The following KCNH1 variants were observed in gnomAD, a reference collection of about 807,000 sequenced individuals.
KCNH1 encodes the protein potassium voltage-gated channel subfamily H member 1.
In KCNH1, 27 loss-of-function variants were observed where a neutral mutation model predicts 69.2. The ratio of observed to expected loss-of-function variants is 0.39; its 90% CI spans 0.29 to 0.54. KCNH1 has a LOEUF of 0.54. Ranked by LOEUF, KCNH1 falls within the 20% of genes least tolerant of loss-of-function variation. The pLI, the probability that KCNH1 is intolerant of heterozygous loss-of-function variation, is 0.68. For missense variants in KCNH1, 798 were observed against 1,261.6 expected (o/e 0.63, Z 5.57); for synonymous variants, 456 against 487.7 (o/e 0.93, Z 0.86).
intron 1 of KCNH1, among the ~76,000 whole-genome samples, chr1:211,122,152 G>T (rs565389346): frequency 1.3e-5 from 2 of 151,018 alleles, no homozygotes; most frequent in Admixed American, 6.6e-5. Flanking sequence ...AAAAACCATC[G>T]AAAAGTGGAC....
chr1:210,832,907 C>CATATATATATAT (rs367619819), intron 7 of KCNH1, among the ~76,000 whole-genome samples: 5,203 of 110,544 alleles, frequency 0.047, 300 homozygotes, highest in East Asian at 0.17. Context: ...TTCTCAAATA[C>CATATATATATAT]ATATATATAT....
chr1:211,024,216 G>C lies in KCNH1; in HGVS notation c.559-4960C>G, dbSNP rs140367203. Reference sequence around the variant, plus strand: ...AGACAAATCAAAATCATTTCAAATTGTGATAACCACTAAATAACACTGGGG... The same window carrying C: ...AGACAAATCAAAATCATTTCAAATTCTGATAACCACTAAATAACACTGGGG... On this transcript the variant is annotated intron_variant, in intron 5 of 10. Transcript: ENST00000271751. 2.0e-5 allele frequency among the ~76,000 whole-genome samples: 3 copies of C among 152,230 alleles called. No individual in the cohort carries two copies. In the East Asian group the frequency reaches 5.8e-4, roughly 29 times the overall value.
Position 210,868,659 on chromosome 1 carries a change from A to G in KCNH1, c.1462+50981T>C, listed in dbSNP as rs191037793. 8.5e-5 allele frequency among the ~76,000 whole-genome samples: 13 copies of G among 152,216 alleles called. No homozygotes were observed. The East Asian group carries it at 2.5e-3, about 29-fold the overall frequency. On this transcript the variant is annotated intron_variant, in intron 7 of 10. Transcript: ENST00000271751. ...TTCCCCACTAAAATATCTTCTTAAC[A>G]ACATTTAATCACAAGATTCTTCATT...
chr1:210,967,088 C>T (rs905431847), intron 6 of KCNH1, among the ~76,000 whole-genome samples: 9 of 151,262 alleles, frequency 5.9e-5, no homozygotes, highest in African/African-American at 1.9e-4. Flanking sequence ...AAACCACACA[C>T]CACATGTTCT....
rs1365733283 is a variant in KCNH1 at position 210,851,269 on chromosome 1, T to C, written c.1463-47103A>G. On this transcript the variant is annotated intron_variant, in intron 7 of 10. Coordinates refer to ENST00000271751, the MANE Select transcript of KCNH1 (RefSeq NM_172362.3). ...CTCAAAGTGTTCTTGGTCTAGTGTG[T>C]TTGGGTACCTTGTTCTTTCACTTTC... Among the ~76,000 whole-genome samples the C allele has an allele frequency of 3.3e-5, 5 of 152,232 alleles. No individual in the cohort carries two copies. The East Asian group carries it at 9.6e-4, about 29-fold the overall frequency.
At chr1:210,796,911 T>C (rs1224227914) in intron 9 of KCNH1, among the ~76,000 whole-genome samples, 4 of 152,144 alleles carry the variant, frequency 2.6e-5, no homozygotes, top group East Asian at 1.9e-4. Flanking sequence ...CAGCTCTTCA[T>C]TGGATCCCCC....
At chr1:210,931,131 A>T (rs972358338) in intron 6 of KCNH1, among the ~76,000 whole-genome samples, 6 of 152,208 alleles carry the variant, frequency 3.9e-5, no homozygotes, top group Non-Finnish European at 8.8e-5. Flanking sequence ...CTAAAAGTAG[A>T]TCTACCATTT....
At chr1:210,983,540 T>C (rs1204081668) in intron 6 of KCNH1, among the ~76,000 whole-genome samples, 2 of 152,242 alleles carry the variant, frequency 1.3e-5, no homozygotes, top group Non-Finnish European at 2.9e-5. Flanking sequence ...CCTTTCCCCA[T>C]TTCTTCTTTT....
chr1:210,933,719 CAGAAAT>C (rs1468786474), intron 6 of KCNH1, among the ~76,000 whole-genome samples: 3 of 151,962 alleles, frequency 2.0e-5, no homozygotes, highest in African/African-American at 7.2e-5. Context: ...ATGGATAACA[CAGAAAT>C]AGAAAGGATC....
At chr1:210,733,628 C>G (rs1682798710) in intron 10 of KCNH1, among the ~76,000 whole-genome samples, 1 of 152,190 alleles carries the variant, frequency 6.6e-6, no homozygotes. Flanking sequence ...CCAGGACACT[C>G]ATGAGATTTT....
At chr1:210,901,402 C>A (rs1278661790) in intron 7 of KCNH1, among the ~76,000 whole-genome samples, 1 of 152,202 alleles carries the variant, frequency 6.6e-6, no homozygotes, top group Admixed American at 6.5e-5. Flanking sequence ...TCACAGGACT[C>A]TGCCTCCAAG....
At chr1:210,969,590 T>G (rs1688475048) in intron 6 of KCNH1, among the ~76,000 whole-genome samples, 1 of 152,112 alleles carries the variant, frequency 6.6e-6, no homozygotes, top group African/African-American at 2.4e-5. Flanking sequence ...TCTTACTGTC[T>G]TCTAAAACTC....
intron 1 of KCNH1, among the ~76,000 whole-genome samples, chr1:211,120,742 G>T (rs970331833): frequency 2.0e-5 from 3 of 152,120 alleles, no homozygotes; most frequent in African/African-American, 7.2e-5. Context: ...AAGTCAAGTT[G>T]TCTCTGTTTG....
At chr1:211,029,634 A>C (rs4951706) in intron 5 of KCNH1, among the ~76,000 whole-genome samples, 1 of 151,990 alleles carries the variant, frequency 6.6e-6, no homozygotes, top group South Asian at 2.1e-4. Context: ...TTCCCCCTAC[A>C]ACAAGGAACA....
chr1:210,775,208 A>T, intron 10 of KCNH1, 140 bp downstream of exon 10: 1 of 691,364 alleles, frequency 1.4e-6, no homozygotes, highest in Middle Eastern at 2.7e-4. Flanking sequence ...AAAGCCCCGC[A>T]GAGCAAACAA....
chr1:210,838,143 A>C (rs1177633438), intron 7 of KCNH1, among the ~76,000 whole-genome samples: 1 of 152,212 alleles, frequency 6.6e-6, no homozygotes, highest in Non-Finnish European at 1.5e-5. Context: ...ACAAGAACAG[A>C]CACATAGACC....
chr1:210,939,976 G>A (rs1448874224), intron 6 of KCNH1, among the ~76,000 whole-genome samples: 1 of 152,204 alleles, frequency 6.6e-6, no homozygotes, highest in Non-Finnish European at 1.5e-5. Flanking sequence ...GTTATTAACA[G>A]AGATAGTCTT....
intron 7 of KCNH1, among the ~76,000 whole-genome samples, chr1:210,870,137 C>A (rs1300007402): frequency 1.3e-5 from 2 of 152,052 alleles, no homozygotes; most frequent in Non-Finnish European, 1.5e-5. Flanking sequence ...CAGAACTGTA[C>A]TAATTACCAA....
intron 10 of KCNH1, among the ~76,000 whole-genome samples, chr1:210,698,396 G>T (rs1558428130): frequency 6.6e-6 from 1 of 152,198 alleles, no homozygotes; most frequent in Non-Finnish European, 1.5e-5. Context: ...TAGTCCAGGA[G>T]AACAGGGCAT....
Sources: gnomAD v4.1 joint callset for allele counts (sites outside exome capture counted in the v4.1 genomes callset) on GRCh38, gnomAD v4.1.1 for gene constraint, MANE v1.5 for transcripts, NCBI Gene and HGNC (gene_info 2026-07-23, HGNC 2026-07-21) for gene names.